MELK: variants seen among roughly 807,000 people sequenced by gnomAD.
MELK encodes the protein pEg3 kinase.
MELK carries 81 observed loss-of-function variants against 85.0 expected under a neutral mutation model. The observed-to-expected ratio is 0.95, with a 90% confidence interval of 0.80 to 1.15. The LOEUF is 1.15. Ranked by LOEUF, MELK falls within the 50% of genes most tolerant of loss-of-function variation. MELK has a pLI of 0.00. For missense variants in MELK, 754 were observed against 777.5 expected, an observed-to-expected ratio of 0.97 and a Z score of 0.36; for synonymous variants, 252 against 265.0, an observed-to-expected ratio of 0.95 and a Z score of 0.48.
chr9:36,659,674 G>C (rs1050479443), intron 13 of MELK, among the ~76,000 whole-genome samples: 1 of 152,200 alleles, frequency 6.6e-6, no homozygotes, highest in Non-Finnish European at 1.5e-5. Flanking sequence ...GTGTACATCT[G>C]GGGTATGCCT....
At chr9:36,600,317 T>C (rs991744351) in intron 7 of MELK, among the ~76,000 whole-genome samples, 2 of 152,016 alleles carry the variant, frequency 1.3e-5, no homozygotes, top group Non-Finnish European at 1.5e-5. Flanking sequence ...TTCAAACTCC[T>C]GACCTCAAAT....
chr9:36,634,134 G>C (rs995551903), intron 10 of MELK, among the ~76,000 whole-genome samples: 1 of 152,118 alleles, frequency 6.6e-6, no homozygotes, highest in Non-Finnish European at 1.5e-5. Context: ...AACACATTTC[G>C]TTATACAACA....
intron 7 of MELK, among the ~76,000 whole-genome samples, chr9:36,602,375 C>T (rs1012472919): frequency 4.0e-5 from 6 of 149,766 alleles, no homozygotes; most frequent in African/African-American, 4.9e-5. Context: ...CCTGTAATCC[C>T]AGCTACTTGG....
chr9:36,674,072 T>C (rs1288234040), intron 16 of MELK, among the ~76,000 whole-genome samples: 2 of 152,190 alleles, frequency 1.3e-5, no homozygotes, highest in Non-Finnish European at 2.9e-5. Flanking sequence ...CATTTTGTTA[T>C]TTATACAATG....
intron 17 of MELK, among the ~76,000 whole-genome samples, chr9:36,675,858 A>G (rs963448790): frequency 1.3e-5 from 2 of 152,226 alleles, no homozygotes; most frequent in African/African-American, 4.8e-5. Flanking sequence ...ATGTAAATAG[A>G]ATAGTCAATA....
At chr9:36,661,082 C>G (rs147348218) in intron 13 of MELK, among the ~76,000 whole-genome samples, 2 of 152,272 alleles carry the variant, frequency 1.3e-5, no homozygotes, top group East Asian at 3.9e-4. Flanking sequence ...TGACAGTTTT[C>G]TGAGCATGAA....
intron 12 of MELK, among the ~76,000 whole-genome samples, chr9:36,653,397 T>G (rs1052568525): frequency 1.3e-5 from 2 of 152,210 alleles, no homozygotes; most frequent in African/African-American, 4.8e-5. Context: ...CCTCCCTCCT[T>G]TGCCTCCCAA....
At chr9:36,632,609 C>T (rs1263966520) in intron 9 of MELK, among the ~76,000 whole-genome samples, 1 of 152,150 alleles carries the variant, frequency 6.6e-6, no homozygotes, top group Non-Finnish European at 1.5e-5. Context: ...CTTCTAGACT[C>T]CAAAATAACG....
chr9:36,656,914 C>T (rs1294416015), intron 12 of MELK, among the ~76,000 whole-genome samples: 7 of 152,070 alleles, frequency 4.6e-5, no homozygotes, highest in Non-Finnish European at 7.4e-5. Flanking sequence ...ACCATGGGGA[C>T]GGCCTTTTTC....
chr9:36,624,021 A>C (rs1827692779), intron 8 of MELK, among the ~76,000 whole-genome samples: 1 of 151,620 alleles, frequency 6.6e-6, no homozygotes, highest in Admixed American at 6.6e-5. Flanking sequence ...TAAATGCTTT[A>C]TGTATACTAA....
At chr9:36,665,687 G>C in intron 14 of MELK, 106 bp downstream of exon 14, 3 of 766,682 alleles carry the variant, frequency 3.9e-6, no homozygotes, top group Non-Finnish European at 5.9e-6. Context: ...GGAATTTCTA[G>C]GAGAAGTGAA....
rs137952592 is a variant in MELK at position 36,657,970 on chromosome 9, T to A, written c.1176+607T>A. ...TCACCTTTTTTAGTGTGCAATTCTA[T>A]GTGTTTTGACAAATGCATACAGTTG... On this transcript the variant is annotated intron_variant, in intron 13 of 17. Transcript: ENST00000298048. Among the ~76,000 whole-genome samples, 6 of 152,302 alleles carry A rather than the reference T, an allele frequency of 3.9e-5. 1 individual carries two copies. In the East Asian group the frequency reaches 1.2e-3, roughly 29 times the overall value.
chr9:36,666,741 A>C (rs1386279332), intron 14 of MELK, among the ~76,000 whole-genome samples: 1 of 152,160 alleles, frequency 6.6e-6, no homozygotes, highest in Non-Finnish European at 1.5e-5. Context: ...CTTTGCCAGA[A>C]TATTTGCTAG....
intron 8 of MELK, among the ~76,000 whole-genome samples, chr9:36,616,074 GC>G (rs1409820432): frequency 2.6e-5 from 4 of 152,144 alleles, no homozygotes; most frequent in Non-Finnish European, 4.4e-5. Context: ...GGCGGCGCTC[GC>G]CGGCGCGGTG....
chr9:36,581,826 A>G lies in MELK; in HGVS notation c.58+87A>G. On this transcript the variant is annotated intron_variant, in intron 2 of 17. Transcript: ENST00000298048. ...TGGGTAGGTGTGAGCTTTTTCGTCTAACCCACACAGTTTTAAAATTCTTCT... is the reference window on the plus strand; with the variant it reads ...TGGGTAGGTGTGAGCTTTTTCGTCTGACCCACACAGTTTTAAAATTCTTCT... 4.7e-6 allele frequency: 5 copies of G among 1,058,366 alleles called. No homozygotes were observed. The South Asian group carries it at 7.6e-5, about 16-fold the overall frequency. The allele number at this position is 1,058,366 out of a possible 1,614,324, so 65.6% of individuals were successfully genotyped here.
chr9:36,602,731 G>T (rs911774964), intron 7 of MELK, among the ~76,000 whole-genome samples: 1 of 151,668 alleles, frequency 6.6e-6, no homozygotes, highest in African/African-American at 2.4e-5. Context: ...GGCTAATTTT[G>T]TATTTTTAGT....
At chr9:36,620,345 A>G (rs1827271381) in intron 8 of MELK, among the ~76,000 whole-genome samples, 1 of 152,090 alleles carries the variant, frequency 6.6e-6, no homozygotes, top group South Asian at 2.1e-4. Context: ...TCATTTAGGT[A>G]TTACTGTGCA....
chr9:36,601,015 T>C (rs1420095993), intron 7 of MELK, among the ~76,000 whole-genome samples: 1 of 152,210 alleles, frequency 6.6e-6, no homozygotes, highest in Non-Finnish European at 1.5e-5. Context: ...TATGTTTATA[T>C]ATATGCATGT....
chr9:36,630,666 G>C (rs1828476216), intron 9 of MELK, among the ~76,000 whole-genome samples: 1 of 152,030 alleles, frequency 6.6e-6, no homozygotes, highest in Non-Finnish European at 1.5e-5. Context: ...TTGATTGATG[G>C]AGATAGAGTC....
Sources: gnomAD v4.1 joint callset for allele counts (sites outside exome capture counted in the v4.1 genomes callset) on GRCh38, gnomAD v4.1.1 for gene constraint, MANE v1.5 for transcripts, NCBI Gene and HGNC (gene_info 2026-07-23, HGNC 2026-07-21) for gene names.